The following ZNF652 variants were observed in gnomAD, a reference collection of about 807,000 sequenced individuals.
The protein encoded by ZNF652 is zinc finger protein 652.
ZNF652 carries 16 observed loss-of-function variants against 45.2 expected under a neutral mutation model. The ratio of observed to expected loss-of-function variants is 0.35; its 90% CI spans 0.24 to 0.54. The LOEUF (loss-of-function observed/expected upper bound fraction) is 0.54. Ranked by LOEUF, ZNF652 falls within the 20% of genes least tolerant of loss-of-function variation. ZNF652 has a pLI of 0.91. For synonymous variants in ZNF652, 250 were observed against 260.6 expected (o/e 0.96, Z 0.39); for missense variants, 614 against 765.6 (o/e 0.80, Z 2.34).
intron 1 of ZNF652, among the ~76,000 whole-genome samples, chr17:49,338,112 T>G (rs1157645904): frequency 1.3e-5 from 2 of 151,142 alleles, no homozygotes; most frequent in Non-Finnish European, 2.9e-5. Context: ...CTCATCTTCC[T>G]GAGTAGCTGG....
rs1270630686 is a variant in ZNF652 at position 49,294,644 on chromosome 17, AT to A, written c.*3768del. On this transcript the variant is annotated 3_prime_UTR_variant, in exon 6 of 6. Coordinates refer to ENST00000430262, the MANE Select transcript of ZNF652 (RefSeq NM_001145365.3). Reference sequence around the variant, plus strand: ...TAAATCTATGAGAGAAAATAGAAAAATAAAAACGAAACAAATACAAACCAAC... The same window carrying A: ...TAAATCTATGAGAGAAAATAGAAAAAAAAAACGAAACAAATACAAACCAAC... 3.3e-5 allele frequency: 5 copies of A among 152,246 alleles called. No individual in the cohort carries two copies. Among genetic ancestry groups the A allele is most frequent in the African/African-American group, 1.2e-4 (5 of 41,444 alleles). 9.4% of individuals were successfully genotyped at this position (152,246 alleles called of 1,614,324 possible). A position where few individuals can be genotyped will look rare whatever the true frequency, so the allele number is the denominator to read the frequency against.
intron 5 of ZNF652, among the ~76,000 whole-genome samples, chr17:49,306,460 T>A (rs1267168466): frequency 6.6e-6 from 1 of 151,928 alleles, no homozygotes; most frequent in Non-Finnish European, 1.5e-5. Flanking sequence ...GTTTTTTCAA[T>A]TTTTTTTGGT....
intron 1 of ZNF652, among the ~76,000 whole-genome samples, chr17:49,329,933 T>C (rs2070005685): frequency 6.6e-6 from 1 of 152,170 alleles, no homozygotes; most frequent in South Asian, 2.1e-4. Flanking sequence ...CTTTCACCAA[T>C]AAGCACCACG....
At chr17:49,310,085 C>T (rs2069688736) in intron 5 of ZNF652, among the ~76,000 whole-genome samples, 1 of 152,106 alleles carries the variant, frequency 6.6e-6, no homozygotes, top group South Asian at 2.1e-4. Flanking sequence ...TACTGAGTAG[C>T]TGGGACCACA....
At chr17:49,302,535 G>C (rs886555165) in intron 5 of ZNF652, among the ~76,000 whole-genome samples, 3 of 151,774 alleles carry the variant, frequency 2.0e-5, no homozygotes, top group Admixed American at 6.6e-5. Context: ...TAATCTGCCC[G>C]CCTCGGCCTC....
chr17:49,351,384 T>G (rs1021441111), intron 1 of ZNF652, among the ~76,000 whole-genome samples: 2 of 152,006 alleles, frequency 1.3e-5, no homozygotes, highest in African/African-American at 4.8e-5. Flanking sequence ...ATAAAAAAAG[T>G]GTATACAAGA....
intron 1 of ZNF652, among the ~76,000 whole-genome samples, chr17:49,342,692 G>T (rs73324323): frequency 0.073 from 11,049 of 151,316 alleles, 470 homozygotes; most frequent in Middle Eastern, 0.14. Context: ...GTGACCACAC[G>T]AAAATTTCAA....
At position 49,321,422 on chromosome 17, in the gene ZNF652, C is replaced by CTTTTTTTTTTTT. The variant is rs11350404; in HGVS notation, c.-258-3451_-258-3440dup. Among the ~76,000 whole-genome samples the CTTTTTTTTTTTT allele has an allele frequency of 2.4e-3, 179 of 73,260 alleles. 1 individual carries two copies. The highest frequency in any genetic ancestry group is 3.3e-3 in the Non-Finnish European group (140 of 42,720). The allele number at this position is 73,260 out of a possible 152,430, so 48.1% of individuals were successfully genotyped here. On this transcript the variant is annotated intron_variant, in intron 1 of 5. Transcript: ENST00000430262. ...GGGACTACCGGCGCCCACCACCACG[C>CTTTTTTTTTTTT]TTTTTTTTTTTTTTTTTTTTTTTTT... is the stretch of plus-strand genomic sequence containing the variant.
intron 5 of ZNF652, among the ~76,000 whole-genome samples, chr17:49,299,906 G>A (rs1240277173): frequency 2.8e-5 from 4 of 145,278 alleles, no homozygotes; most frequent in East Asian, 4.1e-4. Flanking sequence ...GGCTGGTCTT[G>A]AACCCATGGG....
intron 1 of ZNF652, among the ~76,000 whole-genome samples, chr17:49,334,648 A>G (rs1044826808): frequency 1.3e-5 from 2 of 152,084 alleles, no homozygotes; most frequent in African/African-American, 2.4e-5. Flanking sequence ...GAGTGGTGGC[A>G]TGCACCTGTG....
intron 1 of ZNF652, among the ~76,000 whole-genome samples, chr17:49,329,710 T>G (rs969547322): frequency 6.6e-6 from 1 of 152,220 alleles, no homozygotes; most frequent in Admixed American, 6.5e-5. Context: ...TAAAATTTCA[T>G]TGTAGTTTTT....
intron 1 of ZNF652, among the ~76,000 whole-genome samples, chr17:49,342,931 G>C (rs2070165310): frequency 6.6e-6 from 1 of 151,156 alleles, no homozygotes; most frequent in Non-Finnish European, 1.5e-5. Flanking sequence ...ACCCAGTCTG[G>C]AGTGCAGTGG....
chr17:49,351,698 T>A (rs1447382841), intron 1 of ZNF652, among the ~76,000 whole-genome samples: 2 of 152,116 alleles, frequency 1.3e-5, no homozygotes, highest in African/African-American at 4.8e-5. Flanking sequence ...AAAATAAGCA[T>A]GTAGTCTGAT....
chr17:49,312,104 G>A (rs2069720676), intron 3 of ZNF652, 62 bp from the exon 4 acceptor site: 4 of 1,145,618 alleles, frequency 3.5e-6, no homozygotes, highest in Non-Finnish European at 3.8e-6. Context: ...AACTAAAAAG[G>A]CATCCTACTG....
chr17:49,350,484 A>G (rs1476713083), intron 1 of ZNF652, among the ~76,000 whole-genome samples: 1 of 151,446 alleles, frequency 6.6e-6, no homozygotes, highest in Admixed American at 6.6e-5. Flanking sequence ...GGTGGCAGTG[A>G]GCCGAGATCG....
chr17:49,316,853 C>G lies in ZNF652; in HGVS notation c.873G>C (p.Gln291His), dbSNP rs761852464. Residue 291 changes from glutamine (Q) to histidine (H), a missense_variant, in exon 2 of 6, where the codon CAG becomes CAC. Gln to His is a conservative substitution (Grantham distance 24). Coordinates refer to ENST00000430262, the MANE Select transcript of ZNF652 (RefSeq NM_001145365.3). ...FVLESELSLHQQTDCEKNIQC... is the reference protein window; with the variant it reads ...FVLESELSLHHQTDCEKNIQC... The stretch of plus-strand genomic sequence containing the variant: ...GAATGTTTTTTTCACAGTCTGTTTG[C>G]TGGTGAAGGGACAGCTCACTTTCCA... The G allele has an allele frequency of 5.6e-6, 9 of 1,613,176 alleles. No individual in the cohort carries two copies. The highest frequency in any genetic ancestry group is 1.7e-4 in the Middle Eastern group (1 of 5,998).
chr17:49,302,018 G>A (rs980371965), intron 5 of ZNF652, among the ~76,000 whole-genome samples: 15 of 151,748 alleles, frequency 9.9e-5, no homozygotes, highest in Non-Finnish European at 1.6e-4. Flanking sequence ...TTGGGAGGCC[G>A]AAGCAGGAGG....
intron 1 of ZNF652, among the ~76,000 whole-genome samples, chr17:49,327,730 AATATATAT>A (rs68056731): frequency 0.034 from 2,034 of 60,532 alleles, 20 homozygotes; most frequent in Non-Finnish European, 0.047. Context: ...TAAATAAATA[AATATATAT>A]ATATATATAT....
chr17:49,335,052 T>C (rs1021828271), intron 1 of ZNF652, among the ~76,000 whole-genome samples: 6 of 152,146 alleles, frequency 3.9e-5, no homozygotes, highest in African/African-American at 1.2e-4. Context: ...TAGGTGATGG[T>C]TGCACAATCT....
Sources: allele counts gnomAD v4.1 joint callset (sites outside exome capture counted in the v4.1 genomes callset), GRCh38; gene constraint gnomAD v4.1.1; transcripts MANE v1.5; gene names NCBI Gene and HGNC (gene_info 2026-07-23, HGNC 2026-07-21).